The following UNC13D variants were observed in gnomAD, a reference collection of about 807,000 sequenced individuals.
The protein encoded by UNC13D is protein unc-13 homolog D.
Under a neutral mutation model 151.7 loss-of-function variants are expected in UNC13D, and 115 were observed. That is an observed-to-expected ratio of 0.76 (90% CI 0.65 to 0.88). UNC13D has a LOEUF of 0.88. UNC13D is among the 40% of genes least tolerant of loss of function. UNC13D has a pLI of 0.00. For missense variants in UNC13D, 1,369 were observed against 1,438.7 expected (o/e 0.95, Z 0.78); for synonymous variants, 588 against 612.2 (o/e 0.96, Z 0.58).
chr17:75,843,666 T>G, intron 1 of UNC13D, 147 bp from the exon 2 acceptor site: 6 of 1,485,144 alleles, frequency 4.0e-6, no homozygotes, highest in Non-Finnish European at 4.5e-6. Flanking sequence ...CCCGCACCTG[T>G]TCCCCCAGCA....
intron 30 of UNC13D, among the ~76,000 whole-genome samples, chr17:75,829,435 G>A (rs867915535): frequency 2.9e-4 from 44 of 149,372 alleles, no homozygotes; most frequent in Middle Eastern, 7.1e-3. Context: ...AGCTGGGACT[G>A]CAGGCGTGTC....
At chr17:75,834,746 T>C (rs1485682778) in intron 21 of UNC13D, 30 bp from the exon 22 acceptor site, 4 of 1,610,606 alleles carry the variant, frequency 2.5e-6, no homozygotes, top group Non-Finnish European at 3.4e-6. Flanking sequence ...AGGGAACTGA[T>C]CCATGGGTGG....
chr17:75,831,491 C>G, intron 25 of UNC13D, 143 bp from the exon 26 acceptor site: 1 of 727,950 alleles, frequency 1.4e-6, no homozygotes, highest in Non-Finnish European at 2.3e-6. Flanking sequence ...CCTCCGCCTC[C>G]CACCCCAGGT....
intron 29 of UNC13D, 51 bp from the exon 30 acceptor site, chr17:75,830,202 C>G (rs772529830): frequency 2.8e-5 from 44 of 1,568,272 alleles, no homozygotes; most frequent in Middle Eastern, 1.9e-4. Context: ...CCAGGCACCC[C>G]ACCCCAGCAG....
chr17:75,838,289 G>C (rs1356716190), intron 12 of UNC13D, among the ~76,000 whole-genome samples: 6 of 151,306 alleles, frequency 4.0e-5, no homozygotes, highest in East Asian at 1.9e-4. Context: ...TGTGATCTCA[G>C]GTCACTGCAA....
At chr17:75,841,861 G>C (rs1187241247) in intron 6 of UNC13D, among the ~76,000 whole-genome samples, 1 of 150,940 alleles carries the variant, frequency 6.6e-6, no homozygotes, top group Non-Finnish European at 1.5e-5. Context: ...CGATTCCCCT[G>C]CCTCAGCCTT....
rs1234456296 is a variant in UNC13D at position 75,839,756 on chromosome 17, C to T, written c.1055+83G>A. The T allele has an allele frequency of 8.4e-6, 12 of 1,421,660 alleles. No homozygotes were observed. In the Admixed American group the frequency reaches 2.0e-4, roughly 24 times the overall value. 88.1% of individuals were successfully genotyped at this position (1,421,660 alleles called of 1,614,324 possible). A position where few individuals can be genotyped will look rare whatever the true frequency, so the allele number is the denominator to read the frequency against. ...CCAAAGGGAACTCTGCTGAGAATTA[C>T]ACTTTGGGCTACCGGCTTGGAGGAG... On this transcript the variant is annotated intron_variant, in intron 12 of 31. Coordinates refer to ENST00000207549, the MANE Select transcript of UNC13D (RefSeq NM_199242.3).
chr17:75,829,249 G>A (rs1393871005), intron 30 of UNC13D, among the ~76,000 whole-genome samples: 1 of 152,202 alleles, frequency 6.6e-6, no homozygotes, highest in Admixed American at 6.5e-5. Context: ...CCCTTCCCTG[G>A]AAGTCCCTAA....
intron 6 of UNC13D, 40 bp from the exon 7 acceptor site, chr17:75,841,041 T>C (rs2064944986): frequency 1.2e-6 from 2 of 1,609,440 alleles, no homozygotes; most frequent in African/African-American, 1.4e-5. Context: ...CCCTGGAGGG[T>C]GGATGCCCCC....
Position 75,827,834 on chromosome 17 carries a change from T to G in UNC13D, c.*131A>C. 4 of 1,507,996 alleles carry G rather than the reference T, an allele frequency of 2.7e-6. No individual in the cohort carries two copies. The highest frequency in any genetic ancestry group is 1.4e-5 in the African/African-American group (1 of 72,578). 93.4% of individuals were successfully genotyped at this position (1,507,996 alleles called of 1,614,324 possible). A position where few individuals can be genotyped will look rare whatever the true frequency, so the allele number is the denominator to read the frequency against. On this transcript the variant is annotated 3_prime_UTR_variant, in exon 32 of 32. Transcript: ENST00000207549. ...CAGGGGAGGTCTGCACTCTGGGCAC[T>G]CCGCATGCTGGGGCTCCCCAAGTGT...
In UNC13D at chr17:75,842,925, T is replaced by A. The variant is rs752651197; in HGVS notation, c.322-2A>T. 1.6e-5 allele frequency: 26 copies of A among 1,613,330 alleles called. No individual in the cohort carries two copies. Among genetic ancestry groups the A allele is most frequent in the Non-Finnish European group, 2.1e-5 (25 of 1,179,994 alleles). On this transcript the variant is annotated splice_acceptor_variant, in intron 4 of 31. Transcript: ENST00000207549. LOFTEE classifies it high-confidence loss of function. ...TGCCTTCAGACAAAATATTGGCTTC[T>A]GGAGGGACAGGAGGGATGGCCTGAG...
Position 75,836,053 on chromosome 17 carries a change from G to T in UNC13D, c.1503C>A (p.Asp501Glu), listed in dbSNP as rs1011701028. The T allele has an allele frequency of 6.2e-7, 1 of 1,613,934 alleles. No individual in the cohort carries two copies. The highest frequency in any genetic ancestry group is 8.5e-7 in the Non-Finnish European group (1 of 1,180,044). ...LLGLVQDVIGDLHQCQRTWDK... is the reference protein window; with the variant it reads ...LLGLVQDVIGELHQCQRTWDK... ...CCCATGTGCGCTGGCACTGGTGCAG[G>T]TCGCCAATGACATCCTGTACCAGGC... Residue 501 changes from aspartate to glutamate, a missense_variant, in exon 17 of 32, where the codon GAC (aspartate) becomes GAA (glutamate). By Grantham distance (45) the Asp-to-Glu change is conservative. Coordinates refer to ENST00000207549, the MANE Select transcript of UNC13D (RefSeq NM_199242.3).
rs761478169 is a variant in UNC13D at position 75,843,065 on chromosome 17, G to A, written c.270C>T (p.His90=). Residue 90 remains histidine (H), a synonymous_variant, in exon 4 of 32, where the codon CAC becomes CAT. Coordinates refer to ENST00000207549, the MANE Select transcript of UNC13D (RefSeq NM_199242.3). The part of the protein sequence containing the change: ...ELLRYLQEAF[H]VEPEEHQQTL... Reference sequence around the variant, plus strand: ...TCTGCTGGTGCTCCTCGGGCTCCACGTGGAAGGCCTGGTGGGGAGGCAGGC... The same window carrying A: ...TCTGCTGGTGCTCCTCGGGCTCCACATGGAAGGCCTGGTGGGGAGGCAGGC... The A allele has an allele frequency of 1.1e-5, 17 of 1,606,852 alleles. No individual in the cohort carries two copies. The highest frequency in any genetic ancestry group is 5.3e-5 in the African/African-American group (4 of 74,800).
intron 12 of UNC13D, among the ~76,000 whole-genome samples, chr17:75,839,423 A>G (rs951869022): frequency 9.4e-4 from 137 of 145,872 alleles, no homozygotes; most frequent in African/African-American, 3.5e-3. Flanking sequence ...AAAAAAAAAA[A>G]GCAGCAAAAT....
chr17:75,843,736 C>T (rs992662650), intron 1 of UNC13D: 6 of 1,428,268 alleles, frequency 4.2e-6, no homozygotes, highest in African/African-American at 2.9e-5. Context: ...TGCCCAGCAG[C>T]GCGAGCCCTC....
rs1414933094 is a variant in UNC13D, at chr17:75,836,097, C to T, written c.1459G>A (p.Ala487Thr). 1.2e-6 allele frequency: 2 copies of T among 1,613,468 alleles called. No individual in the cohort carries two copies. The highest frequency in any genetic ancestry group is 1.7e-6 in the Non-Finnish European group (2 of 1,180,024). The change falls in exon 17 of 32, where the codon GCA becomes ACA. Residue 487 changes from alanine to threonine, a missense_variant. Physicochemically the swap from Ala to Thr is moderately conservative, Grantham distance 58. This residue lies in a region of UNC13D where 807 missense variants were observed against 795.5 expected (regional missense o/e 1.01). Coordinates refer to ENST00000207549, the MANE Select transcript of UNC13D (RefSeq NM_199242.3). ...ACCAGGCCCAGCAAGGCCTTGCCTG[C>T]CTCCGGGATGCCCTGCAGAGACAGA... ...HQPMVQGIPE[A>T]GKALLGLVQD... is the part of the protein sequence containing the mutation.
chr17:75,843,483 C>G lies in UNC13D; in HGVS notation c.153+1G>C. ...CTGCACCCCAGCACTCTGACTCTTA[C>G]CTGCTCGGGGGAGAAGTGGTGGGAT... On this transcript the variant is annotated splice_donor_variant, in intron 2 of 31. Transcript: ENST00000207549. LOFTEE classifies it high-confidence loss of function. The G allele has an allele frequency of 6.2e-7, 1 of 1,609,552 alleles. No individual in the cohort carries two copies. The highest frequency in any genetic ancestry group is 8.5e-7 in the Non-Finnish European group (1 of 1,178,626).
At chr17:75,829,963 G>C (rs2062149678) in intron 30 of UNC13D, 65 bp downstream of exon 30, 1 of 1,554,328 alleles carries the variant, frequency 6.4e-7, no homozygotes, top group Admixed American at 2.0e-5. Context: ...AGGAGGAGCA[G>C]GCCTGAGGGA....
At position 75,835,485 on chromosome 17, in the gene UNC13D, G is replaced by A. The variant is rs144852879; in HGVS notation, c.1772C>T (p.Pro591Leu). 1,440 of 1,611,814 alleles carry A rather than the reference G, an allele frequency of 8.9e-4. 1 individual carries two copies. The highest frequency in any genetic ancestry group is 1.1e-3 in the Non-Finnish European group (1,316 of 1,179,182). ...CTTCTGCAGCCAGGAGGGGATGGCC[G>A]GCTGGAACCAGCGGTGGAAATTATC... ...ALDNFHRWFQ[P>L]AIPSWLQKTY... Residue 591 changes from proline to leucine, a missense_variant, in exon 20 of 32, where the codon CCG becomes CTG. Physicochemically the swap from Pro to Leu is moderately conservative, Grantham distance 98. This residue lies in a region of UNC13D where 807 missense variants were observed against 795.5 expected (regional missense o/e 1.01). Transcript: ENST00000207549.
Sources: allele counts gnomAD v4.1 joint callset (sites outside exome capture counted in the v4.1 genomes callset), GRCh38; gene constraint gnomAD v4.1.1; regional missense constraint gnomAD v4.1.1; transcripts MANE v1.5; gene names NCBI Gene and HGNC (gene_info 2026-07-23, HGNC 2026-07-21).